Variants in JAKMIP1 observed in about 807,000 individuals in gnomAD.
JAKMIP1 encodes the protein janus kinase and microtubule interacting protein 1.
A neutral mutation model predicts 113.0 loss-of-function variants in JAKMIP1; 33 were observed. That is an observed-to-expected ratio of 0.29 (90% CI 0.22 to 0.39). The LOEUF is 0.39. JAKMIP1 is among the 10% of genes least tolerant of loss of function. JAKMIP1 has a pLI of 1.00. For missense variants in JAKMIP1, 813 were observed against 1,080.5 expected (o/e 0.75, Z 3.47); for synonymous variants, 480 against 459.9 (o/e 1.04, Z -0.56).
intron 8 of JAKMIP1, among the ~76,000 whole-genome samples, chr4:6,075,265 G>A (rs1269031265): frequency 6.6e-6 from 1 of 152,104 alleles, no homozygotes; most frequent in Non-Finnish European, 1.5e-5. Flanking sequence ...GAGGTTGGTT[G>A]AATCCATGGA....
At chr4:6,171,583 G>A (rs78682794) in intron 1 of JAKMIP1, among the ~76,000 whole-genome samples, 3,060 of 139,942 alleles carry the variant, frequency 0.022, 105 homozygotes, top group African/African-American at 0.07. Context: ...GATGTAAACC[G>A]TCTCGATCCC....
rs140608173 is a variant in JAKMIP1 at position 6,103,269 on chromosome 4, C to A, written c.624+2204G>T. Among the ~76,000 whole-genome samples the A allele has an allele frequency of 1.4e-3, 207 of 152,058 alleles. 1 individual carries two copies. Among genetic ancestry groups the A allele is most frequent in the African/African-American group, 4.6e-3 (192 of 41,474 alleles). On this transcript the variant is annotated intron_variant, in intron 3 of 20. Coordinates refer to ENST00000409021, the MANE Select transcript of JAKMIP1 (RefSeq NM_001099433.2). Reference sequence around the variant, plus strand: ...TTCTGCATCTATTAAGATGACTGACCACGTTTTTCTTTTTTATCATATTAT... The same window carrying A: ...TTCTGCATCTATTAAGATGACTGACAACGTTTTTCTTTTTTATCATATTAT...
intron 16 of JAKMIP1, among the ~76,000 whole-genome samples, chr4:6,043,611 G>A (rs938292513): frequency 6.6e-6 from 1 of 151,628 alleles, no homozygotes; most frequent in Non-Finnish European, 1.5e-5. Flanking sequence ...CCTTCCTTCC[G>A]TCCACTTCCA....
chr4:6,053,907 AAAGAAAG>A, intron 13 of JAKMIP1, 136 bp downstream of exon 13: 2 of 1,519,068 alleles, frequency 1.3e-6, no homozygotes, highest in Non-Finnish European at 1.8e-6. Context: ...TTAAAAAAAA[AAAGAAAG>A]AAAGAAAGAA....
At chr4:6,110,428 T>C (rs1578261801) in intron 2 of JAKMIP1, among the ~76,000 whole-genome samples, 1 of 151,762 alleles carries the variant, frequency 6.6e-6, no homozygotes, top group East Asian at 2.0e-4. Context: ...CCGCCCTATC[T>C]GTGGGACTTG....
Position 6,116,394 on chromosome 4 carries a change from G to A in JAKMIP1, c.-147-3397C>T, listed in dbSNP as rs1031089545. On this transcript the variant is annotated intron_variant, in intron 1 of 20. Coordinates refer to ENST00000409021, the MANE Select transcript of JAKMIP1 (RefSeq NM_001099433.2). The surrounding 1 kb of genome is among the most constrained non-coding windows in gnomAD (Gnocchi z 5.1). ...GCAGGAGATGGCACAGCCCACTGTC[G>A]AGGAAGGAGCACAGCACTGGCTCAG... is the stretch of plus-strand genomic sequence containing the variant. Among the ~76,000 whole-genome samples the A allele has an allele frequency of 8.6e-5, 13 of 152,008 alleles. No individual in the cohort carries two copies. Among genetic ancestry groups the A allele is most frequent in the African/African-American group, 2.4e-4 (10 of 41,380 alleles).
chr4:6,050,467 G>A lies in JAKMIP1; in HGVS notation c.1908+111C>T. ...GACAAACTGTGACTTTCAACACAAG[G>A]GGTATCTCATGAAAATCAATTCTAT... On this transcript the variant is annotated intron_variant, in intron 14 of 20. Transcript: ENST00000409021. This position sits in a 1 kb window ranked among gnomAD's most constrained non-coding sequence, Gnocchi z 7.4. The A allele has an allele frequency of 1.4e-6, 1 of 711,122 alleles. No individual in the cohort carries two copies. The highest frequency in any genetic ancestry group is 1.8e-5 in the South Asian group (1 of 56,104). 44.1% of individuals were successfully genotyped at this position (711,122 alleles called of 1,614,324 possible). A position where few individuals can be genotyped will look rare whatever the true frequency, so the allele number is the denominator to read the frequency against.
At position 6,088,270 on chromosome 4, in the gene JAKMIP1, G is replaced by A. The variant is rs1228808781; in HGVS notation, c.625-2641C>T. The stretch of plus-strand genomic sequence containing the variant: ...GATTGAGAGTGATTTGTGCTATGAG[G>A]GGGAAAAAAAACAATAACAACATCA... On this transcript the variant is annotated intron_variant, in intron 3 of 20. Coordinates refer to ENST00000409021, the MANE Select transcript of JAKMIP1 (RefSeq NM_001099433.2). This position sits in a 1 kb window ranked among gnomAD's most constrained non-coding sequence, Gnocchi z 5.5. Among the ~76,000 whole-genome samples the A allele has an allele frequency of 6.6e-6, 1 of 152,212 alleles. No individual in the cohort carries two copies. The highest frequency in any genetic ancestry group is 1.9e-4 in the East Asian group (1 of 5,178).
At chr4:6,163,961 AG>A (rs1723268027) in intron 1 of JAKMIP1, among the ~76,000 whole-genome samples, 1 of 152,222 alleles carries the variant, frequency 6.6e-6, no homozygotes. Flanking sequence ...AGGAGGTTTA[AG>A]GAAAGAAGCC....
chr4:6,036,311 T>C (rs1713430170), intron 18 of JAKMIP1, among the ~76,000 whole-genome samples: 1 of 152,226 alleles, frequency 6.6e-6, no homozygotes, highest in South Asian at 2.1e-4. Context: ...TTGTCATTTT[T>C]TACTCTATTC....
rs931706324 is a variant in JAKMIP1 at position 6,065,429 on chromosome 4, G to T, written c.1303-421C>A. On this transcript the variant is annotated intron_variant, in intron 8 of 20. Coordinates refer to ENST00000409021, the MANE Select transcript of JAKMIP1 (RefSeq NM_001099433.2). The surrounding 1 kb of genome is among the most constrained non-coding windows in gnomAD (Gnocchi z 5.1). The stretch of plus-strand genomic sequence containing the variant: ...ATGAGCAGCGCACTGGCTGTACCAA[G>T]GAGAAGGGGGACAGGGTCCAGGGAG... 2.6e-5 allele frequency among the ~76,000 whole-genome samples: 4 copies of T among 152,242 alleles called. No individual in the cohort carries two copies. Among genetic ancestry groups the T allele is most frequent in the Non-Finnish European group, 4.4e-5 (3 of 68,054 alleles).
Position 6,113,330 on chromosome 4 carries a change from G to A in JAKMIP1, c.-147-333C>T, listed in dbSNP as rs1715255383. 2.6e-5 allele frequency among the ~76,000 whole-genome samples: 4 copies of A among 152,306 alleles called. No individual in the cohort carries two copies. The South Asian group carries it at 8.3e-4, about 32-fold the overall frequency. ...CTCAGCAGCCTGCAGACCATGGTCTGCCAACATCAGTGAGCCTGTGTCTCC... is the reference window on the plus strand; with the variant it reads ...CTCAGCAGCCTGCAGACCATGGTCTACCAACATCAGTGAGCCTGTGTCTCC... On this transcript the variant is annotated intron_variant, in intron 1 of 20. Coordinates refer to ENST00000409021, the MANE Select transcript of JAKMIP1 (RefSeq NM_001099433.2).
rs949172519 is a variant in JAKMIP1 at position 6,162,472 on chromosome 4, C to T, written c.-148+37781G>A. On this transcript the variant is annotated intron_variant, in intron 1 of 20. Coordinates refer to ENST00000409021, the MANE Select transcript of JAKMIP1 (RefSeq NM_001099433.2). This position sits in a 1 kb window ranked among gnomAD's most constrained non-coding sequence, Gnocchi z 5.6. Reference sequence around the variant, plus strand: ...GTGACAGGGGCAGATGGAGCCAGGGCCCTTGGTCCCTTCTACACAATCCAG... The same window carrying T: ...GTGACAGGGGCAGATGGAGCCAGGGTCCTTGGTCCCTTCTACACAATCCAG... Among the ~76,000 whole-genome samples the T allele has an allele frequency of 6.6e-6, 1 of 152,154 alleles. No individual in the cohort carries two copies. Among genetic ancestry groups the T allele is most frequent in the African/African-American group, 2.4e-5 (1 of 41,434 alleles).
chr4:6,036,190 A>G, intron 18 of JAKMIP1, 83 bp from the exon 19 acceptor site: 1 of 1,121,618 alleles, frequency 8.9e-7, no homozygotes, highest in South Asian at 1.6e-5. Flanking sequence ...CAGTGGAGGC[A>G]GAGCCAGGGA....
Position 6,135,638 on chromosome 4 carries a change from T to G in JAKMIP1, c.-147-22641A>C, listed in dbSNP as rs1319043943. Among the ~76,000 whole-genome samples, 1 of 152,176 alleles carries G rather than the reference T, an allele frequency of 6.6e-6. No homozygotes were observed. The highest frequency in any genetic ancestry group is 6.5e-5 in the Admixed American group (1 of 15,278). ...TGCAGATTAAAATAATCTAGTTCCC[T>G]GCATACCACTGCATCAACCATACCA... On this transcript the variant is annotated intron_variant, in intron 1 of 20. Coordinates refer to ENST00000409021, the MANE Select transcript of JAKMIP1 (RefSeq NM_001099433.2). The surrounding 1 kb of genome is among the most constrained non-coding windows in gnomAD (Gnocchi z 4.9).
At chr4:6,082,044 T>C (rs1368846072) in intron 5 of JAKMIP1, among the ~76,000 whole-genome samples, 1 of 152,074 alleles carries the variant, frequency 6.6e-6, no homozygotes, top group Non-Finnish European at 1.5e-5. Context: ...TAGAAACAAC[T>C]TAAATATCTA....
Position 6,112,787 on chromosome 4 carries a change from C to G in JAKMIP1, c.64G>C (p.Ala22Pro). 2 of 1,614,104 alleles carry G rather than the reference C, an allele frequency of 1.2e-6. No individual in the cohort carries two copies. Among genetic ancestry groups the G allele is most frequent in the South Asian group, 2.2e-5 (2 of 91,086 alleles). ...PEMETDAVQM[A>P]NEELRAKLTS... ...AGCTTGGCCCGCAGCTCCTCGTTGG[C>G]CATCTGCACCGCGTCCGTCTCCATC... Residue 22 changes from alanine to proline, a missense_variant, in exon 2 of 21, where the codon GCC becomes CCC. Around this residue, in one of 2 missense-constraint regions of JAKMIP1, gnomAD observed 540 missense variants for 653.9 expected, o/e 0.83. Transcript: ENST00000409021.
chr4:6,098,603 G>A lies in JAKMIP1; in HGVS notation c.624+6870C>T, dbSNP rs932686103. ...GAAAGAAGGAAAGGAAGAAAGAAAG[G>A]AAGAAAAGAAAGAAAAAGAAAAAGA... On this transcript the variant is annotated intron_variant, in intron 3 of 20. Coordinates refer to ENST00000409021, the MANE Select transcript of JAKMIP1 (RefSeq NM_001099433.2). Among the ~76,000 whole-genome samples, 198 of 133,552 alleles carry A rather than the reference G, an allele frequency of 1.5e-3. 1 individual carries two copies. Among genetic ancestry groups the A allele is most frequent in the Middle Eastern group, 7.8e-3 (2 of 256 alleles). 87.6% of individuals were successfully genotyped at this position (133,552 alleles called of 152,430 possible). A position where few individuals can be genotyped will look rare whatever the true frequency, so the allele number is the denominator to read the frequency against.
rs1230794144 is a variant in JAKMIP1, at chr4:6,051,522, A to G, written c.1807-843T>C. On this transcript the variant is annotated intron_variant, in intron 13 of 20. Transcript: ENST00000409021. This position sits in a 1 kb window ranked among gnomAD's most constrained non-coding sequence, Gnocchi z 5.0. The stretch of plus-strand genomic sequence containing the variant: ...CCCAAAGTGCTGGGATTACAGGCGT[A>G]AGCCACCTCGCCCGGCCCCAAAGGC... Among the ~76,000 whole-genome samples the G allele has an allele frequency of 6.6e-6, 1 of 152,174 alleles. No homozygotes were observed. The highest frequency in any genetic ancestry group is 2.4e-5 in the African/African-American group (1 of 41,442).
Sources: allele counts gnomAD v4.1 joint callset (sites outside exome capture counted in the v4.1 genomes callset), GRCh38; gene constraint gnomAD v4.1.1; regional missense constraint gnomAD v4.1.1; non-coding constraint Gnocchi (gnomAD v3.1); transcripts MANE v1.5; gene names NCBI Gene and HGNC (gene_info 2026-07-23, HGNC 2026-07-21).